Variants in FBH1 observed in about 807,000 individuals in gnomAD.
The protein encoded by FBH1 is DNA 3'-5' helicase 1.
A neutral mutation model predicts 115.5 loss-of-function variants in FBH1; 43 were observed. The ratio of observed to expected loss-of-function variants is 0.37; its 90% CI spans 0.29 to 0.48. The LOEUF (loss-of-function observed/expected upper bound fraction) is 0.48. Among genes scored for constraint, FBH1 ranks in the 20% least tolerant of loss-of-function variants. The pLI is 0.99. For missense variants in FBH1, 1,001 were observed against 1,337.3 expected (o/e 0.75, Z 3.92); for synonymous variants, 524 against 507.8 (o/e 1.03, Z -0.43).
Position 5,915,760 on chromosome 10 carries a change from T to G in FBH1, c.1565+189T>G. 1.7e-6 allele frequency: 1 copy of G among 595,496 alleles called. No individual in the cohort carries two copies. The highest frequency in any genetic ancestry group is 3.0e-6 in the Non-Finnish European group (1 of 338,568). The allele number at this position is 595,496 out of a possible 1,614,324, so 36.9% of individuals were successfully genotyped here. A position where few individuals can be genotyped will look rare whatever the true frequency, so the allele number is the denominator to read the frequency against. On this transcript the variant is annotated intron_variant, in intron 9 of 20. Coordinates refer to ENST00000362091, the MANE Select transcript of FBH1 (RefSeq NM_178150.3). This position sits in a 1 kb window ranked among gnomAD's most constrained non-coding sequence, Gnocchi z 5.2. ...GTACTTTTATCCTGTAGCAACATAT[T>G]GTTTACATATAATGCCGTCTTGCCA... is the stretch of plus-strand genomic sequence containing the variant.
intron 19 of FBH1, among the ~76,000 whole-genome samples, chr10:5,934,118 C>T (rs12266384): frequency 0.08 from 12,148 of 152,184 alleles, 1,559 homozygotes; most frequent in African/African-American, 0.27. Context: ...AGTGGAGCCA[C>T]GGACGGGGGT....
rs771465282 is a variant in FBH1 at position 5,936,462 on chromosome 10, T to C, written c.2836T>C (p.Phe946Leu). Residue 946 changes from phenylalanine (F) to leucine (L), a missense_variant, in exon 20 of 21, where the codon TTC becomes CTC. Coordinates refer to ENST00000362091, the MANE Select transcript of FBH1 (RefSeq NM_178150.3). This position sits in a 1 kb window ranked among gnomAD's most constrained non-coding sequence, Gnocchi z 5.6. The stretch of plus-strand genomic sequence containing the variant: ...CTCGCTCTTTCTTTCTCAGGAGTAC[T>C]TCTTGCAAGCAGAGCTGACAAGCAA... ...ENILTLAGEY[F>L]LQAELTSNVL... 1.9e-5 allele frequency: 30 copies of C among 1,613,684 alleles called. No individual in the cohort carries two copies. The highest frequency in any genetic ancestry group is 3.3e-4 in the Middle Eastern group (2 of 6,060).
chr10:5,904,442 A>G (rs1052738779), intron 2 of FBH1, among the ~76,000 whole-genome samples: 1 of 152,198 alleles, frequency 6.6e-6, no homozygotes, highest in Non-Finnish European at 1.5e-5. Context: ...TTTGTTCCAT[A>G]TATAGAAGTC....
chr10:5,909,618 A>G lies in FBH1; in HGVS notation c.1020+324A>G, dbSNP rs1478314038. Reference sequence around the variant, plus strand: ...TAATAATAGGATTTCTTTACAAGACAGCCCACCCCATTATCAACAAGTTTG... The same window carrying G: ...TAATAATAGGATTTCTTTACAAGACGGCCCACCCCATTATCAACAAGTTTG... On this transcript the variant is annotated intron_variant, in intron 5 of 20. Coordinates refer to ENST00000362091, the MANE Select transcript of FBH1 (RefSeq NM_178150.3). This position sits in a 1 kb window ranked among gnomAD's most constrained non-coding sequence, Gnocchi z 4.4. 1.4e-5 allele frequency: 4 copies of G among 281,144 alleles called. No homozygotes were observed. The highest frequency in any genetic ancestry group is 2.7e-5 in the Non-Finnish European group (4 of 150,544). 17.4% of individuals were successfully genotyped at this position (281,144 alleles called of 1,614,324 possible). A position where few individuals can be genotyped will look rare whatever the true frequency, so the allele number is the denominator to read the frequency against.
In FBH1 at chr10:5,906,683, T is replaced by G; in HGVS notation, c.753+51T>G. 7.0e-7 allele frequency: 1 copy of G among 1,419,144 alleles called. No individual in the cohort carries two copies. The highest frequency in any genetic ancestry group is 1.4e-5 in the African/African-American group (1 of 70,592). 87.9% of individuals were successfully genotyped at this position (1,419,144 alleles called of 1,614,324 possible). A position where few individuals can be genotyped will look rare whatever the true frequency, so the allele number is the denominator to read the frequency against. ...TGTTTCCTCTAAAAGCACGTAACTTTGCTTAATGCACGCTTATAATCAGAG... is the reference window on the plus strand; with the variant it reads ...TGTTTCCTCTAAAAGCACGTAACTTGGCTTAATGCACGCTTATAATCAGAG... On this transcript the variant is annotated intron_variant, in intron 3 of 20. Coordinates refer to ENST00000362091, the MANE Select transcript of FBH1 (RefSeq NM_178150.3). The surrounding 1 kb of genome is among the most constrained non-coding windows in gnomAD (Gnocchi z 7.3).
Position 5,913,054 on chromosome 10 carries a change from C to T in FBH1, c.1212-693C>T, listed in dbSNP as rs1831704328. The stretch of plus-strand genomic sequence containing the variant: ...TGTTGGGGGAGCGAGTCCAAGCTCA[C>T]CCCCGGTCTCCCCCACAGTCCAGGG... On this transcript the variant is annotated intron_variant, in intron 6 of 20. Coordinates refer to ENST00000362091, the MANE Select transcript of FBH1 (RefSeq NM_178150.3). This position sits in a 1 kb window ranked among gnomAD's most constrained non-coding sequence, Gnocchi z 4.4. Among the ~76,000 whole-genome samples, 3 of 152,104 alleles carry T rather than the reference C, an allele frequency of 2.0e-5. No homozygotes were observed. The South Asian group carries it at 6.2e-4, about 32-fold the overall frequency.
At chr10:5,899,608 T>G (rs1018540057) in intron 1 of FBH1, among the ~76,000 whole-genome samples, 1 of 152,198 alleles carries the variant, frequency 6.6e-6, no homozygotes, top group Non-Finnish European at 1.5e-5. Flanking sequence ...CTGTTGGATC[T>G]ATAGGGCCTG....
At position 5,890,274 on chromosome 10, in the gene FBH1, G is replaced by T. The variant is rs1842619156; in HGVS notation, c.-72G>T. ...GCCAGAGGAGGAGCTCGCTGCCGGG[G>T]GACGCTGGGCTGAGCGGCCGGCGGC... On this transcript the variant is annotated 5_prime_UTR_variant, in exon 1 of 21. Transcript: ENST00000362091. 1 of 370,442 alleles carries T rather than the reference G, an allele frequency of 2.7e-6. No homozygotes were observed. The highest frequency in any genetic ancestry group is 5.0e-6 in the Non-Finnish European group (1 of 198,380). 22.9% of individuals were successfully genotyped at this position (370,442 alleles called of 1,614,324 possible). A position where few individuals can be genotyped will look rare whatever the true frequency, so the allele number is the denominator to read the frequency against.
intron 1 of FBH1, among the ~76,000 whole-genome samples, chr10:5,899,310 GTTTGTTTTGT>G (rs1053574553): frequency 6.6e-6 from 1 of 152,000 alleles, no homozygotes; most frequent in Admixed American, 6.5e-5. Flanking sequence ...TTTTTGTTTT[GTTTGTTTTGT>G]TTTGTTTTGT....
chr10:5,916,635 A>G (rs1384322023), intron 10 of FBH1, among the ~76,000 whole-genome samples, 179 bp downstream of exon 10: 6 of 146,184 alleles, frequency 4.1e-5, no homozygotes, highest in African/African-American at 1.3e-4. Context: ...GAGGATGGGG[A>G]AATGGGAAGT....
intron 1 of FBH1, among the ~76,000 whole-genome samples, chr10:5,892,769 A>T (rs1246093933): frequency 6.6e-6 from 1 of 152,238 alleles, no homozygotes; most frequent in Non-Finnish European, 1.5e-5. Context: ...TGAATGTTCT[A>T]CTAGAAATGC....
Position 5,924,193 on chromosome 10 carries a change from C to T in FBH1, c.2399-118C>T, listed in dbSNP as rs1410592088. Reference sequence around the variant, plus strand: ...TAGTGATGCAGTCAGGCCTGGAACCCGGGTCTCCCCACTTTAAGACCATCT... The same window carrying T: ...TAGTGATGCAGTCAGGCCTGGAACCTGGGTCTCCCCACTTTAAGACCATCT... On this transcript the variant is annotated intron_variant, in intron 16 of 20. Coordinates refer to ENST00000362091, the MANE Select transcript of FBH1 (RefSeq NM_178150.3). The surrounding 1 kb of genome is among the most constrained non-coding windows in gnomAD (Gnocchi z 6.2). 18 of 950,438 alleles carry T rather than the reference C, an allele frequency of 1.9e-5. No individual in the cohort carries two copies. Among genetic ancestry groups the T allele is most frequent in the Middle Eastern group, 3.1e-4 (1 of 3,178 alleles). The allele number at this position is 950,438 out of a possible 1,614,324, so 58.9% of individuals were successfully genotyped here. A position where few individuals can be genotyped will look rare whatever the true frequency, so the allele number is the denominator to read the frequency against.
chr10:5,927,410 T>C, intron 18 of FBH1, 25 bp from the exon 19 acceptor site: 2 of 1,550,048 alleles, frequency 1.3e-6, no homozygotes, highest in Non-Finnish European at 1.8e-6. Flanking sequence ...TTTTAGTTGA[T>C]TTTTTTCCCC....
intron 1 of FBH1, among the ~76,000 whole-genome samples, chr10:5,901,641 T>C (rs1381668155): frequency 6.6e-6 from 1 of 150,876 alleles, no homozygotes; most frequent in Non-Finnish European, 1.5e-5. Context: ...CTTGGGTCAC[T>C]ACAACCTCCG....
In FBH1 at chr10:5,916,344, C is replaced by G; in HGVS notation, c.1676C>G (p.Thr559Ser). 6.2e-7 allele frequency: 1 copy of G among 1,614,236 alleles called. No individual in the cohort carries two copies. Among genetic ancestry groups the G allele is most frequent in the Non-Finnish European group, 8.5e-7 (1 of 1,180,052 alleles). ...GFIRAKLVCK[T>S]LENFFASADE... ...ATAAGAGCCAAGCTTGTGTGTAAGACTCTAGAAAACTTCTTTGCCTCGGCT... is the reference window on the plus strand; with the variant it reads ...ATAAGAGCCAAGCTTGTGTGTAAGAGTCTAGAAAACTTCTTTGCCTCGGCT... Residue 559 changes from threonine (T) to serine (S), a missense_variant, in exon 10 of 21, where the codon ACT becomes AGT. Thr to Ser is a moderately conservative substitution (Grantham distance 58). This residue lies in a region of FBH1 where 521 missense variants were observed against 811.0 expected (regional missense o/e 0.64). Coordinates refer to ENST00000362091, the MANE Select transcript of FBH1 (RefSeq NM_178150.3).
Position 5,895,109 on chromosome 10 carries a change from G to C in FBH1, c.1+4763G>C. The C allele has an allele frequency of 1.2e-6, 2 of 1,613,916 alleles. No individual in the cohort carries two copies. Among genetic ancestry groups the C allele is most frequent in the Middle Eastern group, 1.6e-4 (1 of 6,062 alleles). On this transcript the variant is annotated intron_variant, in intron 1 of 20. Coordinates refer to ENST00000362091, the MANE Select transcript of FBH1 (RefSeq NM_178150.3). This position sits in a 1 kb window ranked among gnomAD's most constrained non-coding sequence, Gnocchi z 5.0. ...GTCATGTGATAATGGGCTACATTGC[G>C]CAGGGCCCCTGGGCCATCTCCACAG...
upstream of FBH1, chr10:5,889,640 G>T: frequency 5.1e-6 from 1 of 195,408 alleles, no homozygotes; most frequent in Non-Finnish European, 1.0e-5. Flanking sequence ...CCTCAGGGAC[G>T]GAGCGGTCCG....
chr10:5,909,182 C>T lies in FBH1; in HGVS notation c.908C>T (p.Ser303Phe), dbSNP rs1394045214. 5.6e-6 allele frequency: 9 copies of T among 1,613,660 alleles called. No homozygotes were observed. The highest frequency in any genetic ancestry group is 5.9e-6 in the Non-Finnish European group (7 of 1,180,028). The change falls in exon 5 of 21, where the codon TCT (serine) becomes TTT (phenylalanine). Residue 303 changes from serine to phenylalanine, a missense_variant. By Grantham distance (155) the Ser-to-Phe change is radical. Around this residue, in one of 4 missense-constraint regions of FBH1, gnomAD observed 420 missense variants for 430.4 expected, o/e 0.98. Coordinates refer to ENST00000362091, the MANE Select transcript of FBH1 (RefSeq NM_178150.3). The surrounding 1 kb of genome is among the most constrained non-coding windows in gnomAD (Gnocchi z 4.4). ...AGATACACAGCCACCACTAAGTGCT[C>T]TCCGAGTGTGGATCCCGAGAGGGTG... ...LIRYTATTKC[S>F]PSVDPERVLW...
At chr10:5,922,713 G>T (rs912969812) in intron 15 of FBH1, among the ~76,000 whole-genome samples, 5 of 152,284 alleles carry the variant, frequency 3.3e-5, no homozygotes, top group South Asian at 2.1e-4. Context: ...GGAGTGTGGG[G>T]CCCTGGTTGT....
Sources: gnomAD v4.1 joint callset for allele counts (sites outside exome capture counted in the v4.1 genomes callset) on GRCh38, gnomAD v4.1.1 for gene constraint, gnomAD v4.1.1 regional missense constraint, Gnocchi (gnomAD v3.1) non-coding constraint, MANE v1.5 for transcripts, NCBI Gene and HGNC (gene_info 2026-07-23, HGNC 2026-07-21) for gene names.